PRRC2B: variants seen among roughly 807,000 people sequenced by gnomAD.
The protein encoded by PRRC2B is proline rich coiled-coil 2B.
In PRRC2B, 68 loss-of-function variants were observed where a neutral mutation model predicts 242.3. The ratio of observed to expected loss-of-function variants is 0.28; its 90% CI spans 0.23 to 0.34. PRRC2B has a LOEUF of 0.34. PRRC2B is among the 10% of genes least tolerant of loss of function. The pLI is 1.00. For missense variants in PRRC2B, 2,835 were observed against 2,954.8 expected (o/e 0.96, Z 0.94); for synonymous variants, 1,228 against 1,173.6 (o/e 1.05, Z -0.95).
At chr9:131,415,644 A>T (rs1439582877) in intron 1 of PRRC2B, among the ~76,000 whole-genome samples, 1 of 152,210 alleles carries the variant, frequency 6.6e-6, no homozygotes, top group Non-Finnish European at 1.5e-5. Context: ...TGGATTCTAG[A>T]TTGAAAGTCA....
Position 131,475,124 on chromosome 9 carries a change from TCCA to T in PRRC2B, c.3003_3005del (p.Thr1002del). 2 of 1,612,392 alleles carry T rather than the reference TCCA, an allele frequency of 1.2e-6. No individual in the cohort carries two copies. Among genetic ancestry groups the T allele is most frequent in the Non-Finnish European group, 1.7e-6 (2 of 1,179,176 alleles). Reference sequence around the variant, plus strand: ...GAACGATGCCTCTCTGGCCAACTCCTCCACCACCACTTTGGAGGACAAAGGCCC... The same window carrying T: ...GAACGATGCCTCTCTGGCCAACTCCTCCACCACTTTGGAGGACAAAGGCCC... On this transcript the variant is annotated inframe_deletion, in exon 16 of 32. Transcript: ENST00000683519.
At chr9:131,473,840 C>A (rs978623931) in intron 15 of PRRC2B, 116 bp downstream of exon 15, 6 of 717,352 alleles carry the variant, frequency 8.4e-6, no homozygotes, top group African/African-American at 5.3e-5. Context: ...GAGACGTGCT[C>A]CTTGAAGGGA....
Position 131,394,992 on chromosome 9 carries a change from C to G in PRRC2B, c.-52+729C>G, listed in dbSNP as rs1487287724. On this transcript the variant is annotated intron_variant, in intron 1 of 31. Transcript: ENST00000683519. Reference sequence around the variant, plus strand: ...TTTTTTTCCTCCTCTTTTGCCTCCCCTCAACCCCCAGGAGAGAAATTCAGC... The same window carrying G: ...TTTTTTTCCTCCTCTTTTGCCTCCCGTCAACCCCCAGGAGAGAAATTCAGC... Among the ~76,000 whole-genome samples the G allele has an allele frequency of 1.3e-5, 2 of 151,764 alleles. 1 individual carries two copies. The highest frequency in any genetic ancestry group is 2.9e-5 in the Non-Finnish European group (2 of 67,896).
chr9:131,380,744 A>G (rs964495196), intron 1 of PRRC2B, among the ~76,000 whole-genome samples: 1 of 150,866 alleles, frequency 6.6e-6, no homozygotes, highest in African/African-American at 2.4e-5. Flanking sequence ...TGGGCATGGT[A>G]GCAGGCGCCT....
intron 1 of PRRC2B, among the ~76,000 whole-genome samples, chr9:131,429,651 A>T (rs1452569988): frequency 6.6e-6 from 1 of 152,192 alleles, no homozygotes; most frequent in Non-Finnish European, 1.5e-5. Flanking sequence ...GCCGTGGTGT[A>T]AGTGGGTTGT....
intron 18 of PRRC2B, 26 bp downstream of exon 18, chr9:131,478,645 T>C: frequency 1.3e-5 from 3 of 222,608 alleles, no homozygotes; most frequent in African/African-American, 5.6e-5. Context: ...TGGGGGGGCA[T>C]GGGGCTGGAG....
intron 1 of PRRC2B, among the ~76,000 whole-genome samples, chr9:131,398,519 G>T (rs137876342): frequency 6.6e-6 from 1 of 152,178 alleles, no homozygotes; most frequent in Non-Finnish European, 1.5e-5. Context: ...AGCCAGTTGT[G>T]TGGCTTCCGT....
At chr9:131,420,497 T>TCGTTC (rs72209206) in intron 1 of PRRC2B, among the ~76,000 whole-genome samples, 252 of 16,466 alleles carry the variant, frequency 0.015, 25 homozygotes, top group African/African-American at 0.032. Context: ...TTCTTTCTTT[T>TCGTTC]TTTTTTTTTT....
chr9:131,430,160 G>A lies in PRRC2B; in HGVS notation c.16G>A (p.Gly6Arg). Residue 6 changes from glycine (G) to arginine (R), a missense_variant, in exon 2 of 32, where the codon GGG becomes AGG. Gly to Arg is a moderately radical substitution (Grantham distance 125, BLOSUM62 -2). Around this residue, in one of 7 missense-constraint regions of PRRC2B, gnomAD observed 626 missense variants for 685.5 expected, o/e 0.91. Transcript: ENST00000683519. MSDRL[G>R]QITKGKDGKS... ...TTTCATCGCAATGTCCGATCGTTTG[G>A]GGCAAATTACCAAGGGCAAGGATGG... 1 of 1,604,138 alleles carries A rather than the reference G, an allele frequency of 6.2e-7. No homozygotes were observed. Among genetic ancestry groups the A allele is most frequent in the Non-Finnish European group, 8.5e-7 (1 of 1,175,404 alleles).
chr9:131,479,205 A>G, intron 18 of PRRC2B, 47 bp from the exon 19 acceptor site: 1 of 1,590,118 alleles, frequency 6.3e-7, no homozygotes, highest in Non-Finnish European at 8.6e-7. Context: ...AGAATTTGTC[A>G]GTCTTGGTGC....
chr9:131,472,471 A>AAT, intron 14 of PRRC2B, among the ~76,000 whole-genome samples: 1 of 91,522 alleles, frequency 1.1e-5, no homozygotes, highest in African/African-American at 4.6e-5. Flanking sequence ...CGCCCAGCTA[A>AAT]TTTTTTTTTT....
At chr9:131,448,570 A>C (rs1172990620) in intron 9 of PRRC2B, among the ~76,000 whole-genome samples, 1 of 140,434 alleles carries the variant, frequency 7.1e-6, no homozygotes, top group Non-Finnish European at 1.5e-5. Flanking sequence ...AAAAAAAAAA[A>C]GGAAAGAGAA....
At chr9:131,378,781 G>A (rs1242596648) in intron 1 of PRRC2B, among the ~76,000 whole-genome samples, 1 of 152,138 alleles carries the variant, frequency 6.6e-6, no homozygotes, top group Non-Finnish European at 1.5e-5. Flanking sequence ...GTGCAGTGGT[G>A]TGATTTTTGG....
At chr9:131,448,547 A>AAAAAAAAAAAAAAAAAAAAC (rs1838891203) in intron 9 of PRRC2B, among the ~76,000 whole-genome samples, 1 of 98,874 alleles carries the variant, frequency 1.0e-5, no homozygotes, top group Non-Finnish European at 2.1e-5. Flanking sequence ...CTGTCTCAAA[A>AAAAAAAAAAAAAAAAAAAAC]AAAAAAAAAA....
At chr9:131,427,165 T>C (rs1279858741) in intron 1 of PRRC2B, among the ~76,000 whole-genome samples, 2 of 152,234 alleles carry the variant, frequency 1.3e-5, no homozygotes, top group African/African-American at 2.4e-5. Flanking sequence ...GATTGGCAGA[T>C]CTTAGGTATC....
chr9:131,466,399 T>C (rs1468567527), intron 12 of PRRC2B, among the ~76,000 whole-genome samples: 1 of 152,266 alleles, frequency 6.6e-6, no homozygotes, highest in Non-Finnish European at 1.5e-5. Flanking sequence ...ATGGTAGTTA[T>C]TCTTATTTGC....
chr9:131,411,569 T>TC (rs1837510239), intron 1 of PRRC2B, among the ~76,000 whole-genome samples: 1 of 151,900 alleles, frequency 6.6e-6, no homozygotes, highest in Non-Finnish European at 1.5e-5. Context: ...GGTCTTGATC[T>TC]CCTGACCTCG....
At chr9:131,422,399 T>C (rs998811344) in intron 1 of PRRC2B, among the ~76,000 whole-genome samples, 43 of 152,170 alleles carry the variant, frequency 2.8e-4, no homozygotes, top group African/African-American at 1.0e-3. Context: ...TTAATGTCCT[T>C]CTCTGTCAAA....
chr9:131,451,655 A>G (rs529316364), intron 9 of PRRC2B, among the ~76,000 whole-genome samples: 186 of 150,796 alleles, frequency 1.2e-3, no homozygotes, highest in African/African-American at 4.4e-3. Context: ...GGTCTGAGGA[A>G]GAAAATGTTT....
Sources: allele counts gnomAD v4.1 joint callset (sites outside exome capture counted in the v4.1 genomes callset), GRCh38; gene constraint gnomAD v4.1.1; regional missense constraint gnomAD v4.1.1; transcripts MANE v1.5; gene names NCBI Gene and HGNC (gene_info 2026-07-23, HGNC 2026-07-21).